The following PREX1 variants were observed in gnomAD, a reference collection of about 807,000 sequenced individuals.
The protein encoded by PREX1 is phosphatidylinositol 3,4,5-trisphosphate-dependent Rac exchanger 1 protein.
A neutral mutation model predicts 198.3 loss-of-function variants in PREX1; 41 were observed. That is an observed-to-expected ratio of 0.21 (90% CI 0.16 to 0.27). The LOEUF is 0.27. Among genes scored for constraint, PREX1 ranks in the 10% least tolerant of loss-of-function variants. The pLI is 1.00. For missense variants in PREX1, 1,620 were observed against 2,200.7 expected (o/e 0.74, Z 5.28); for synonymous variants, 843 against 887.2 (o/e 0.95, Z 0.89).
At chr20:48,858,510 G>A in the PREX1 span, among the ~76,000 whole-genome samples, 13 of 152,348 alleles carry the variant, frequency 8.5e-5, no homozygotes, top group African/African-American at 3.1e-4. Flanking sequence ...TTTCAGGAGC[G>A]AATCAGTCTG....
intron 1 of PREX1, among the ~76,000 whole-genome samples, chr20:48,773,919 T>A (rs958884829): frequency 6.7e-6 from 1 of 150,280 alleles, no homozygotes; most frequent in Non-Finnish European, 1.5e-5. Context: ...AGGCGGGAGG[T>A]GATGGAGGAT....
intron 1 of PREX1, among the ~76,000 whole-genome samples, chr20:48,809,913 G>A (rs746864980): frequency 6.6e-6 from 1 of 152,152 alleles, no homozygotes; most frequent in African/African-American, 2.4e-5. Flanking sequence ...ACAGGCCACA[G>A]GAAGTGGAAG....
chr20:48,682,698 C>T (rs2089759885), intron 10 of PREX1, among the ~76,000 whole-genome samples: 1 of 152,164 alleles, frequency 6.6e-6, no homozygotes, highest in Admixed American at 6.5e-5. Flanking sequence ...AGAGGCTCAG[C>T]CGGGGCCCCA....
chr20:48,812,632 G>A (rs1214236686), intron 1 of PREX1, among the ~76,000 whole-genome samples: 1 of 152,126 alleles, frequency 6.6e-6, no homozygotes, highest in Non-Finnish European at 1.5e-5. Flanking sequence ...TGTTCTGATA[G>A]CTTTGCAGGT....
the PREX1 span, among the ~76,000 whole-genome samples, chr20:48,846,900 A>G: frequency 1.3e-5 from 2 of 152,170 alleles, no homozygotes; most frequent in African/African-American, 4.8e-5. Context: ...ACCCAAAAGT[A>G]GGAGAGGACA....
chr20:48,745,290 T>C (rs2090102681), intron 2 of PREX1, 143 bp from the exon 3 acceptor site: 2 of 838,382 alleles, frequency 2.4e-6, no homozygotes, highest in Admixed American at 5.4e-5. Context: ...TTACCACTAA[T>C]AGAAATCTTT....
intron 1 of PREX1, among the ~76,000 whole-genome samples, chr20:48,798,331 T>C (rs1381331674): frequency 6.6e-6 from 1 of 152,168 alleles, no homozygotes; most frequent in Admixed American, 6.5e-5. Flanking sequence ...CTGAGGCAGC[T>C]ACCTAACCAA....
intron 1 of PREX1, among the ~76,000 whole-genome samples, chr20:48,751,684 C>G (rs552616997): frequency 3.1e-4 from 47 of 152,192 alleles, no homozygotes; most frequent in Admixed American, 9.2e-4. Flanking sequence ...AAAAGCAGCT[C>G]TCATCTCCGA....
At chr20:48,712,720 T>C (rs2089938006) in intron 5 of PREX1, among the ~76,000 whole-genome samples, 1 of 152,176 alleles carries the variant, frequency 6.6e-6, no homozygotes, top group South Asian at 2.1e-4. Flanking sequence ...AGCTTTGGTG[T>C]CTTGGTTCAC....
Position 48,650,983 on chromosome 20 carries a change from C to T in PREX1, c.2728G>A (p.Ala910Thr), listed in dbSNP as rs776761494. The change falls in exon 23 of 40, where the codon GCC (alanine) becomes ACC (threonine). Residue 910 changes from alanine to threonine, a missense_variant. By Grantham distance (58) the Ala-to-Thr change is moderately conservative. Around this residue, in one of 7 missense-constraint regions of PREX1, gnomAD observed 514 missense variants for 611.6 expected, o/e 0.84. Coordinates refer to ENST00000371941, the MANE Select transcript of PREX1 (RefSeq NM_020820.4). Reference sequence around the variant, plus strand: ...TCAAAGTGGGGCATGGTCACGATGGCGCTGCTCAGGGCCATGAGCCGCCTG... The same window carrying T: ...TCAAAGTGGGGCATGGTCACGATGGTGCTGCTCAGGGCCATGAGCCGCCTG... ...NCRRLMALSSAIVTMPHFEFR... is the reference protein window; with the variant it reads ...NCRRLMALSSTIVTMPHFEFR... The T allele has an allele frequency of 1.2e-5, 19 of 1,614,038 alleles. No homozygotes were observed. Among genetic ancestry groups the T allele is most frequent in the South Asian group, 5.5e-5 (5 of 91,096 alleles).
rs191459991 is a variant in PREX1 at position 48,679,638 on chromosome 20, G to A, written c.1539+13C>T. 52 of 1,585,666 alleles carry A rather than the reference G, an allele frequency of 3.3e-5. No homozygotes were observed. In the East Asian group the frequency reaches 6.3e-4, roughly 19 times the overall value. On this transcript the variant is annotated intron_variant, in intron 12 of 39. Transcript: ENST00000371941. ...CCAGCTGAGTCAGAGTCACAGGGGC[G>A]GAGGGCCCCTACCTTGGACATGATG...
chr20:48,828,583 G>T (rs895551430), upstream of PREX1, among the ~76,000 whole-genome samples: 2 of 152,182 alleles, frequency 1.3e-5, no homozygotes. Flanking sequence ...GGAACGCCGG[G>T]CCCTCGCGGT....
intron 27 of PREX1, among the ~76,000 whole-genome samples, chr20:48,643,946 G>T (rs966303717): frequency 1.3e-5 from 2 of 152,202 alleles, no homozygotes; most frequent in African/African-American, 4.8e-5. Flanking sequence ...CAAAGTGCTG[G>T]GATTACAGGC....
intron 10 of PREX1, among the ~76,000 whole-genome samples, chr20:48,687,335 C>T (rs919150426): frequency 7.2e-5 from 11 of 152,258 alleles, no homozygotes; most frequent in Non-Finnish European, 1.3e-4. Context: ...GCTCCTCCCG[C>T]CATCTTCTTC....
At chr20:48,757,175 T>C (rs1848445561) in intron 1 of PREX1, among the ~76,000 whole-genome samples, 1 of 152,114 alleles carries the variant, frequency 6.6e-6, no homozygotes, top group South Asian at 2.1e-4. Context: ...CCCCGACTGC[T>C]CCATTTGAAA....
intron 29 of PREX1, among the ~76,000 whole-genome samples, chr20:48,641,840 G>GAGGGAGGA (rs2089413508): frequency 2.5e-5 from 2 of 81,608 alleles, no homozygotes; most frequent in African/African-American, 1.1e-4. Context: ...GAGAGAGAGA[G>GAGGGAGGA]AGGAAGGAAG....
At chr20:48,667,434 C>T (rs1259597122) in intron 14 of PREX1, among the ~76,000 whole-genome samples, 2 of 152,180 alleles carry the variant, frequency 1.3e-5, no homozygotes, top group African/African-American at 4.8e-5. Context: ...AAGGGAAAAG[C>T]AGCACCACTC....
At chr20:48,728,556 G>A (rs758037735) in intron 4 of PREX1, among the ~76,000 whole-genome samples, 12 of 152,206 alleles carry the variant, frequency 7.9e-5, no homozygotes, top group Admixed American at 2.6e-4. Flanking sequence ...TTGAGGCTGC[G>A]GCAGCTGGGA....
intron 5 of PREX1, among the ~76,000 whole-genome samples, chr20:48,723,390 G>T (rs2089994678): frequency 6.6e-6 from 1 of 152,190 alleles, no homozygotes; most frequent in Admixed American, 6.5e-5. Context: ...AGGTGGGGGG[G>T]ACAGAATTCC....
Sources: allele counts gnomAD v4.1 joint callset (sites outside exome capture counted in the v4.1 genomes callset), GRCh38; gene constraint gnomAD v4.1.1; regional missense constraint gnomAD v4.1.1; transcripts MANE v1.5; gene names NCBI Gene and HGNC (gene_info 2026-07-23, HGNC 2026-07-21).